The following SLC2A13 variants were observed in gnomAD, a reference collection of about 807,000 sequenced individuals.
SLC2A13 encodes solute carrier family 2 member 13.
Under a neutral mutation model 64.4 loss-of-function variants are expected in SLC2A13, and 32 were observed. The observed-to-expected ratio is 0.50, with a 90% CI of 0.37 to 0.67. The LOEUF is 0.67. SLC2A13 is among the 30% of genes least tolerant of loss of function. The pLI is 0.00. For synonymous variants in SLC2A13, 338 were observed against 327.1 expected, an observed-to-expected ratio of 1.03 and a Z score of -0.36; for missense variants, 743 against 829.2, an observed-to-expected ratio of 0.90 and a Z score of 1.28.
intron 7 of SLC2A13, among the ~76,000 whole-genome samples, chr12:39,799,600 C>T (rs1460298342): frequency 6.6e-6 from 1 of 152,006 alleles, no homozygotes; most frequent in Non-Finnish European, 1.5e-5. Context: ...CAAATGCAAA[C>T]CAGGGGTTAG....
At chr12:40,035,560 A>T (rs1421605735) in intron 2 of SLC2A13, among the ~76,000 whole-genome samples, 5 of 152,186 alleles carry the variant, frequency 3.3e-5, no homozygotes, top group South Asian at 2.1e-4. Context: ...TAAACATAAG[A>T]CCATGGCTGA....
At chr12:39,859,728 T>C (rs1418442697) in intron 6 of SLC2A13, among the ~76,000 whole-genome samples, 1 of 152,064 alleles carries the variant, frequency 6.6e-6, no homozygotes, top group African/African-American at 2.4e-5. Context: ...GGTTTCACCA[T>C]GTTGGCCGGG....
intron 4 of SLC2A13, among the ~76,000 whole-genome samples, chr12:39,872,298 G>A (rs1192913815): frequency 6.6e-6 from 1 of 152,108 alleles, no homozygotes; most frequent in African/African-American, 2.4e-5. Flanking sequence ...ACATAATAAG[G>A]TTATGTTATA....
intron 6 of SLC2A13, among the ~76,000 whole-genome samples, chr12:39,858,076 G>A (rs1276694150): frequency 6.6e-6 from 1 of 152,306 alleles, no homozygotes; most frequent in East Asian, 1.9e-4. Context: ...CGAACTCAAA[G>A]AATATGTCCC....
intron 6 of SLC2A13, among the ~76,000 whole-genome samples, chr12:39,860,594 G>A (rs759458376): frequency 2.0e-5 from 3 of 152,108 alleles, no homozygotes; most frequent in African/African-American, 2.4e-5. Context: ...AAAATTGCAC[G>A]CATGGTCTTA....
chr12:39,934,647 A>C (rs965649812), intron 4 of SLC2A13, among the ~76,000 whole-genome samples: 1 of 152,244 alleles, frequency 6.6e-6, no homozygotes, highest in African/African-American at 2.4e-5. Flanking sequence ...CAGAGGGATC[A>C]TTGGAAGAAT....
chr12:39,777,513 C>T (rs1156312625), intron 7 of SLC2A13, among the ~76,000 whole-genome samples: 1 of 152,138 alleles, frequency 6.6e-6, no homozygotes, highest in South Asian at 2.1e-4. Context: ...ACCCAGGGCC[C>T]GGGCCCATGG....
chr12:39,865,735 A>T (rs922409441), intron 5 of SLC2A13, among the ~76,000 whole-genome samples: 1 of 152,212 alleles, frequency 6.6e-6, no homozygotes, highest in Non-Finnish European at 1.5e-5. Flanking sequence ...AGCAACATGG[A>T]TGGAGCTGGA....
At chr12:39,969,338 T>C (rs1250662860) in intron 3 of SLC2A13, among the ~76,000 whole-genome samples, 1 of 152,168 alleles carries the variant, frequency 6.6e-6, no homozygotes, top group Non-Finnish European at 1.5e-5. Flanking sequence ...CTGGGTCAAA[T>C]GGTATTTCTA....
At chr12:39,973,970 A>G (rs549902070) in intron 3 of SLC2A13, among the ~76,000 whole-genome samples, 111 of 152,286 alleles carry the variant, frequency 7.3e-4, no homozygotes, top group African/African-American at 2.6e-3. Flanking sequence ...GATCTTTTCC[A>G]GGACCAGAGT....
chr12:40,059,354 A>T (rs148868811), intron 1 of SLC2A13, among the ~76,000 whole-genome samples: 22 of 152,334 alleles, frequency 1.4e-4, no homozygotes, highest in African/African-American at 5.3e-4. Flanking sequence ...GATAAGATAG[A>T]CATATAGATA....
intron 1 of SLC2A13, among the ~76,000 whole-genome samples, chr12:40,091,381 A>G (rs1192973013): frequency 6.6e-6 from 1 of 152,194 alleles, no homozygotes; most frequent in East Asian, 1.9e-4. Context: ...TTATGTTGAC[A>G]CTATTGTTAA....
intron 1 of SLC2A13, among the ~76,000 whole-genome samples, chr12:40,070,340 G>T (rs1009349609): frequency 2.0e-5 from 3 of 152,072 alleles, no homozygotes; most frequent in African/African-American, 4.8e-5. Flanking sequence ...GCAAATAACT[G>T]CTTTGTTCTG....
At chr12:40,021,355 AC>A (rs1249495499) in intron 3 of SLC2A13, among the ~76,000 whole-genome samples, 1 of 152,194 alleles carries the variant, frequency 6.6e-6, no homozygotes, top group Non-Finnish European at 1.5e-5. Flanking sequence ...ATCGACGACA[AC>A]CTTTATTTAA....
chr12:39,846,094 C>T (rs1277228162), intron 6 of SLC2A13, among the ~76,000 whole-genome samples: 1 of 151,990 alleles, frequency 6.6e-6, no homozygotes, highest in African/African-American at 2.4e-5. Context: ...AAACAATTGC[C>T]CAAACAAAAC....
chr12:39,956,904 G>A (rs1946323729), intron 3 of SLC2A13, among the ~76,000 whole-genome samples: 1 of 152,130 alleles, frequency 6.6e-6, no homozygotes, highest in African/African-American at 2.4e-5. Flanking sequence ...GAGAAAGCAG[G>A]GGCCTCACTG....
chr12:39,924,633 T>C (rs1251610659), intron 4 of SLC2A13, among the ~76,000 whole-genome samples: 1 of 152,192 alleles, frequency 6.6e-6, no homozygotes, highest in Non-Finnish European at 1.5e-5. Context: ...ATCGTTAGTA[T>C]AGAAGTATTT....
intron 7 of SLC2A13, among the ~76,000 whole-genome samples, chr12:39,781,720 C>T (rs755111306): frequency 7.2e-5 from 11 of 152,186 alleles, no homozygotes; most frequent in Non-Finnish European, 1.6e-4. Flanking sequence ...CACACAAACA[C>T]ATAGACAAGC....
At chr12:39,871,413 T>C (rs1951775449) in intron 5 of SLC2A13, among the ~76,000 whole-genome samples, 1 of 152,086 alleles carries the variant, frequency 6.6e-6, no homozygotes, top group African/African-American at 2.4e-5. Context: ...TTCCATTGTA[T>C]GTCAAATTTA....
Sources: gnomAD v4.1 joint callset for allele counts (sites outside exome capture counted in the v4.1 genomes callset) on GRCh38, gnomAD v4.1.1 for gene constraint, MANE v1.5 for transcripts, NCBI Gene and HGNC (gene_info 2026-07-23, HGNC 2026-07-21) for gene names.